SOCS2: variants seen among roughly 807,000 people sequenced by gnomAD.
SOCS2 encodes the protein CIS-2.
In SOCS2, 10 loss-of-function variants were observed where a neutral mutation model predicts 18.6. That is an observed-to-expected ratio of 0.54 (90% CI 0.33 to 0.91). The LOEUF (loss-of-function observed/expected upper bound fraction) is 0.91. SOCS2 is among the 40% of genes least tolerant of loss of function. SOCS2 has a pLI of 0.02. For missense variants in SOCS2, 231 were observed against 247.2 expected, an observed-to-expected ratio of 0.93 and a Z score of 0.44; for synonymous variants, 104 against 104.0, an observed-to-expected ratio of 1.00 and a Z score of 0.00.
chr12:93,576,192 A>C lies in SOCS2; in HGVS notation c.*1013A>C, dbSNP rs1954455977. On this transcript the variant is annotated 3_prime_UTR_variant, in exon 2 of 2. Transcript: ENST00000551556. Reference sequence around the variant, plus strand: ...GATTAGAATGTATTAAATAAAAAAAACCTGATTTCTACAAGTTGCACTTAT... The same window carrying C: ...GATTAGAATGTATTAAATAAAAAAACCCTGATTTCTACAAGTTGCACTTAT... The C allele has an allele frequency of 6.6e-6, 1 of 152,666 alleles. No individual in the cohort carries two copies. Among genetic ancestry groups the C allele is most frequent in the South Asian group, 2.1e-4 (1 of 4,836 alleles). 9.5% of individuals were successfully genotyped at this position (152,666 alleles called of 1,614,324 possible).
the SOCS2 span, among the ~76,000 whole-genome samples, chr12:93,605,328 T>G: frequency 1.3e-5 from 2 of 152,142 alleles, no homozygotes; most frequent in Non-Finnish European, 2.9e-5. Flanking sequence ...TATGTATTGC[T>G]TATGGATACT....
the SOCS2 span, among the ~76,000 whole-genome samples, chr12:93,607,576 A>G: frequency 2.6e-5 from 4 of 152,322 alleles, no homozygotes; most frequent in South Asian, 2.1e-4. Context: ...TGGAGTAAGG[A>G]ATAGGGTGAG....
downstream of SOCS2, among the ~76,000 whole-genome samples, chr12:93,581,618 G>T (rs531830893): frequency 1.3e-4 from 20 of 151,938 alleles, no homozygotes; most frequent in African/African-American, 4.6e-4. Context: ...AATAGATCAG[G>T]GCCTCTTTTT....
At chr12:93,623,055 A>C in the SOCS2 span, among the ~76,000 whole-genome samples, 2 of 152,352 alleles carry the variant, frequency 1.3e-5, no homozygotes, top group East Asian at 3.9e-4. Context: ...AACCTGCAGC[A>C]CTGATAGCAT....
the SOCS2 span, among the ~76,000 whole-genome samples, chr12:93,619,069 G>A: frequency 2.0e-5 from 3 of 152,204 alleles, no homozygotes; most frequent in South Asian, 2.1e-4. Flanking sequence ...CACATGATGC[G>A]GCACCCAGGG....
chr12:93,570,195 G>T (rs1045008786), upstream of SOCS2: 4 of 152,280 alleles, frequency 2.6e-5, no homozygotes, highest in African/African-American at 9.6e-5. Context: ...TTCCGGGCGC[G>T]CAGGTAAGGG....
chr12:93,618,885 C>T, the SOCS2 span, among the ~76,000 whole-genome samples: 1 of 152,170 alleles, frequency 6.6e-6, no homozygotes, highest in Non-Finnish European at 1.5e-5. Context: ...CACTATGTTG[C>T]CCAGGTTGTA....
the SOCS2 span, among the ~76,000 whole-genome samples, chr12:93,610,351 G>A: frequency 2.0e-5 from 3 of 152,066 alleles, no homozygotes; most frequent in African/African-American, 7.2e-5. Context: ...CTGCCTGGAG[G>A]ATTTGTTCAA....
the SOCS2 span, among the ~76,000 whole-genome samples, chr12:93,599,979 A>G: frequency 6.6e-6 from 1 of 152,186 alleles, no homozygotes; most frequent in Non-Finnish European, 1.5e-5. Context: ...TTTGTCTTCC[A>G]GTTTTAGCTT....
chr12:93,614,472 TTCCTTCCTTTCC>T, the SOCS2 span, among the ~76,000 whole-genome samples: 15 of 84,762 alleles, frequency 1.8e-4, no homozygotes, highest in East Asian at 8.6e-4. Context: ...CCTTCCTTCC[TTCCTTCCTTTCC>T]TTCCTTCCTT....
the SOCS2 span, among the ~76,000 whole-genome samples, chr12:93,590,021 A>C: frequency 1.3e-5 from 2 of 152,106 alleles, 1 homozygote; most frequent in Non-Finnish European, 2.9e-5. Context: ...TGGGAGGCCA[A>C]GGTGAGCGGA....
chr12:93,583,977 A>T (rs1248171161), downstream of SOCS2, among the ~76,000 whole-genome samples: 1 of 152,214 alleles, frequency 6.6e-6, no homozygotes, highest in African/African-American at 2.4e-5. Context: ...TTTATTTGCA[A>T]TTCCAGAATT....
chr12:93,573,268 G>GA lies in SOCS2; in HGVS notation c.139+235dup. On this transcript the variant is annotated intron_variant, in intron 1 of 1. Transcript: ENST00000551556. Reference sequence around the variant, plus strand: ...CGCAGAGCGCGGGAAGAGCTTCTTGGAAATAGCTTCTTAGCACGCTGGAAG... The same window carrying GA: ...CGCAGAGCGCGGGAAGAGCTTCTTGGAAAATAGCTTCTTAGCACGCTGGAAG... 4 of 601,398 alleles carry GA rather than the reference G, an allele frequency of 6.7e-6. No homozygotes were observed. The South Asian group carries it at 8.2e-5, about 12-fold the overall frequency. The allele number at this position is 601,398 out of a possible 1,614,324, so 37.3% of individuals were successfully genotyped here.
At chr12:93,610,946 T>A in the SOCS2 span, among the ~76,000 whole-genome samples, 3 of 152,206 alleles carry the variant, frequency 2.0e-5, no homozygotes, top group East Asian at 5.8e-4. Flanking sequence ...ATCATACTAA[T>A]GGCCATACTT....
chr12:93,584,858 G>A (rs955390491), downstream of SOCS2, among the ~76,000 whole-genome samples: 3 of 152,018 alleles, frequency 2.0e-5, no homozygotes, highest in African/African-American at 7.2e-5. Context: ...TGCCTCCCAG[G>A]TTCAAGTGAT....
chr12:93,623,733 G>A, the SOCS2 span, among the ~76,000 whole-genome samples: 1 of 151,948 alleles, frequency 6.6e-6, no homozygotes, highest in East Asian at 1.9e-4. Context: ...TTGAGACAGG[G>A]TCTCGCTCTG....
downstream of SOCS2, among the ~76,000 whole-genome samples, chr12:93,577,329 G>T (rs539357109): frequency 6.6e-6 from 1 of 152,082 alleles, no homozygotes; most frequent in African/African-American, 2.4e-5. Context: ...AATTATTTTT[G>T]GTTTTGTTTT....
chr12:93,570,786 A>T (rs1954218119), upstream of SOCS2: 1 of 152,542 alleles, frequency 6.6e-6, no homozygotes, highest in South Asian at 2.1e-4. Context: ...CCCGGCGTGC[A>T]CACCGCCCGC....
downstream of SOCS2, among the ~76,000 whole-genome samples, chr12:93,587,558 G>T (rs1453030814): frequency 6.6e-6 from 1 of 151,898 alleles, no homozygotes; most frequent in East Asian, 1.9e-4. Flanking sequence ...GCACGCGCCT[G>T]TAGTCCCAGC....
Sources: allele counts gnomAD v4.1 joint callset (sites outside exome capture counted in the v4.1 genomes callset), GRCh38; gene constraint gnomAD v4.1.1; transcripts MANE v1.5; gene names NCBI Gene and HGNC (gene_info 2026-07-23, HGNC 2026-07-21).